ASPHD2: variants seen among roughly 807,000 people sequenced by gnomAD.
ASPHD2 encodes aspartate beta-hydroxylase domain-containing protein 2.
A neutral mutation model predicts 34.6 loss-of-function variants in ASPHD2; 12 were observed. That is an observed-to-expected ratio of 0.35 (90% CI 0.22 to 0.56). The LOEUF is 0.56. Ranked by LOEUF, ASPHD2 falls within the 20% of genes least tolerant of loss-of-function variation. The pLI is 0.87. For synonymous variants in ASPHD2, 224 were observed against 212.2 expected (o/e 1.06, Z -0.48); for missense variants, 375 against 505.0 (o/e 0.74, Z 2.47).
chr22:26,442,889 T>TC (rs1377942189), intron 3 of ASPHD2, among the ~76,000 whole-genome samples: 1 of 152,040 alleles, frequency 6.6e-6, no homozygotes, highest in East Asian at 1.9e-4. Flanking sequence ...TCCCTCCATC[T>TC]CCCCATTTCC....
chr22:26,442,328 G>A (rs2084853954), intron 2 of ASPHD2, 131 bp from the exon 3 acceptor site: 5 of 655,766 alleles, frequency 7.6e-6, no homozygotes, highest in Non-Finnish European at 1.1e-5. Context: ...CATAGCACGG[G>A]CTCCAGAGGT....
chr22:26,435,738 A>C (rs1274529985), intron 2 of ASPHD2, among the ~76,000 whole-genome samples: 1 of 150,992 alleles, frequency 6.6e-6, no homozygotes, highest in African/African-American at 2.4e-5. Context: ...AAGAAAAGAA[A>C]AGAAAAGAAA....
Position 26,442,578 on chromosome 22 carries a change from TG to T in ASPHD2, c.1000+8del. On this transcript the variant is annotated splice_region_variant and intron_variant, in intron 3 of 3. Transcript: ENST00000215906. ...GCATGCTGCGTTCCATGAAGGTGAG[TG>T]GCTGCCTTTCCCACTTCCTTTTTTT... is the stretch of plus-strand genomic sequence containing the variant. 6.4e-7 allele frequency: 1 copy of T among 1,570,384 alleles called. No homozygotes were observed. Among genetic ancestry groups the T allele is most frequent in the Non-Finnish European group, 8.7e-7 (1 of 1,154,150 alleles).
chr22:26,431,432 A>C (rs1180307608), intron 1 of ASPHD2, among the ~76,000 whole-genome samples: 3 of 142,706 alleles, frequency 2.1e-5, no homozygotes, highest in Non-Finnish European at 3.1e-5. Flanking sequence ...AAAAAAAAAA[A>C]CAAAAGAAAA....
At chr22:26,434,560 A>G in intron 2 of ASPHD2, 59 bp downstream of exon 2, 2 of 1,502,342 alleles carry the variant, frequency 1.3e-6, no homozygotes, top group Non-Finnish European at 1.8e-6. Flanking sequence ...GCCCCTCTCC[A>G]TCAAAACATC....
At position 26,434,148 on chromosome 22, in the gene ASPHD2, A is replaced by G. The variant is rs367793321; in HGVS notation, c.533A>G (p.Tyr178Cys). 12 of 1,611,822 alleles carry G rather than the reference A, an allele frequency of 7.4e-6. No individual in the cohort carries two copies. The highest frequency in any genetic ancestry group is 2.2e-5 in the East Asian group (1 of 44,878). Residue 178 changes from tyrosine (Y) to cysteine (C), a missense_variant, in exon 2 of 4, where the codon TAT becomes TGT. Tyr to Cys is a radical substitution (Grantham distance 194). This residue lies in a region of ASPHD2 where 223 missense variants were observed against 257.8 expected (regional missense o/e 0.87). Coordinates refer to ENST00000215906, the MANE Select transcript of ASPHD2 (RefSeq NM_020437.5). ...CTGCCCGACCTGCCCACCACGCCCTATTTCTCCCGGGACGCACAGAAACAT... is the reference window on the plus strand; with the variant it reads ...CTGCCCGACCTGCCCACCACGCCCTGTTTCTCCCGGGACGCACAGAAACAT... ...FFLPDLPTTP[Y>C]FSRDAQKHDV...
intron 2 of ASPHD2, among the ~76,000 whole-genome samples, chr22:26,441,102 T>C (rs1339060452): frequency 6.6e-6 from 1 of 152,206 alleles, no homozygotes; most frequent in Non-Finnish European, 1.5e-5. Context: ...AAGCCCAAGA[T>C]CAAGGTGCCA....
At chr22:26,439,071 C>T (rs1456740891) in intron 2 of ASPHD2, among the ~76,000 whole-genome samples, 3 of 152,110 alleles carry the variant, frequency 2.0e-5, no homozygotes, top group African/African-American at 7.2e-5. Flanking sequence ...AGTTGAAACT[C>T]AGTATTAACT....
chr22:26,435,280 G>C (rs1211671967), intron 2 of ASPHD2, among the ~76,000 whole-genome samples: 1 of 152,226 alleles, frequency 6.6e-6, no homozygotes, highest in Non-Finnish European at 1.5e-5. Context: ...TATGCACACA[G>C]AGCCTAAAAT....
intron 3 of ASPHD2, 37 bp from the exon 4 acceptor site, chr22:26,443,060 G>A: frequency 6.5e-7 from 1 of 1,531,682 alleles, no homozygotes; most frequent in Non-Finnish European, 9.1e-7. Context: ...CTCCAGGGTG[G>A]TTTGAACCTG....
At chr22:26,438,847 C>A (rs1034710841) in intron 2 of ASPHD2, among the ~76,000 whole-genome samples, 1 of 152,018 alleles carries the variant, frequency 6.6e-6, no homozygotes, top group African/African-American at 2.4e-5. Context: ...AAGCTTCGAG[C>A]ACTGGAGAAA....
At chr22:26,431,495 A>G (rs2084756049) in intron 1 of ASPHD2, among the ~76,000 whole-genome samples, 1 of 152,122 alleles carries the variant, frequency 6.6e-6, no homozygotes, top group Non-Finnish European at 1.5e-5. Flanking sequence ...TCCTAGAAAC[A>G]TAAAAAATTT....
chr22:26,443,690 C>T lies in ASPHD2; in HGVS notation c.*484C>T, dbSNP rs1338128667. On this transcript the variant is annotated 3_prime_UTR_variant, in exon 4 of 4. Transcript: ENST00000215906. ...GAACTTGGCCTCTGATGCTGGCACA[C>T]TGGGGACCCTTCAGCCACCTGACGG... 3.3e-5 allele frequency: 5 copies of T among 152,414 alleles called. No homozygotes were observed. Among genetic ancestry groups the T allele is most frequent in the Non-Finnish European group, 7.3e-5 (5 of 68,488 alleles). 9.4% of individuals were successfully genotyped at this position (152,414 alleles called of 1,614,324 possible).
Position 26,443,385 on chromosome 22 carries a change from A to C in ASPHD2, c.*179A>C. 1 of 568,402 alleles carries C rather than the reference A, an allele frequency of 1.8e-6. No homozygotes were observed. Among genetic ancestry groups the C allele is most frequent in the Non-Finnish European group, 3.1e-6 (1 of 322,902 alleles). 35.2% of individuals were successfully genotyped at this position (568,402 alleles called of 1,614,324 possible). ...CTTTCCCTTGGTTATTGTAAATGGA[A>C]ACTTTTCGGCTTGTATTTCCTTAGA... On this transcript the variant is annotated 3_prime_UTR_variant, in exon 4 of 4. Coordinates refer to ENST00000215906, the MANE Select transcript of ASPHD2 (RefSeq NM_020437.5).
At chr22:26,437,523 G>A (rs1264738714) in intron 2 of ASPHD2, among the ~76,000 whole-genome samples, 1 of 152,182 alleles carries the variant, frequency 6.6e-6, no homozygotes, top group Non-Finnish European at 1.5e-5. Flanking sequence ...GGATATTCCA[G>A]ATGCACTGCC....
At chr22:26,434,597 G>A (rs1401735530) in intron 2 of ASPHD2, 96 bp downstream of exon 2, 9 of 1,376,136 alleles carry the variant, frequency 6.5e-6, no homozygotes, top group African/African-American at 4.3e-5. Flanking sequence ...TCAGAATTGC[G>A]CCTTTTCGCA....
intron 2 of ASPHD2, among the ~76,000 whole-genome samples, chr22:26,441,413 G>A (rs1213413612): frequency 6.6e-6 from 1 of 150,870 alleles, no homozygotes; most frequent in African/African-American, 2.5e-5. Context: ...AGGAGGTGAA[G>A]GCTGCAGTGA....
intron 1 of ASPHD2, among the ~76,000 whole-genome samples, chr22:26,431,155 C>T (rs2084753685): frequency 6.6e-6 from 1 of 152,180 alleles, no homozygotes; most frequent in Non-Finnish European, 1.5e-5. Flanking sequence ...GGGGGAAATC[C>T]TTTTAGTAAA....
intron 1 of ASPHD2, among the ~76,000 whole-genome samples, chr22:26,430,800 T>C (rs928078537): frequency 6.6e-6 from 1 of 152,224 alleles, no homozygotes; most frequent in African/African-American, 2.4e-5. Context: ...TCAGTGCTAT[T>C]TATGATCTCG....
Sources: gnomAD v4.1 joint callset for allele counts (sites outside exome capture counted in the v4.1 genomes callset) on GRCh38, gnomAD v4.1.1 for gene constraint, gnomAD v4.1.1 regional missense constraint, MANE v1.5 for transcripts, NCBI Gene and HGNC (gene_info 2026-07-23, HGNC 2026-07-21) for gene names.